Variants in RPS6KA5 observed in about 807,000 individuals in gnomAD.
RPS6KA5 encodes the protein ribosomal protein S6 kinase alpha-5.
RPS6KA5 carries 27 observed loss-of-function variants against 85.5 expected under a neutral mutation model. The ratio of observed to expected loss-of-function variants is 0.32; its 90% CI spans 0.23 to 0.44. The LOEUF (loss-of-function observed/expected upper bound fraction) is 0.44. Among genes scored for constraint, RPS6KA5 ranks in the 20% least tolerant of loss-of-function variants. The pLI is 1.00. For synonymous variants in RPS6KA5, 334 were observed against 348.2 expected, an observed-to-expected ratio of 0.96 and a Z score of 0.46; for missense variants, 811 against 980.9, an observed-to-expected ratio of 0.83 and a Z score of 2.31.
Position 90,854,290 on chromosome 14 carries a change from GAAC to G in RPS6KA5, c.*17781_*17783del, listed in dbSNP as rs1444826429. 6.6e-6 allele frequency: 1 copy of G among 151,944 alleles called. No individual in the cohort carries two copies. The highest frequency in any genetic ancestry group is 1.5e-5 in the Non-Finnish European group (1 of 67,960). The allele number at this position is 151,944 out of a possible 1,614,324, so 9.4% of individuals were successfully genotyped here. A position where few individuals can be genotyped will look rare whatever the true frequency, so the allele number is the denominator to read the frequency against. ...TAATAATAAATGGCTACCAGATTTA[GAAC>G]AAAACTTACTGTAGCCATTATAATC... On this transcript the variant is annotated 3_prime_UTR_variant, in exon 17 of 17. Coordinates refer to ENST00000614987, the MANE Select transcript of RPS6KA5 (RefSeq NM_004755.4).
intron 5 of RPS6KA5, among the ~76,000 whole-genome samples, chr14:90,939,556 AG>A (rs758481054): frequency 6.6e-6 from 1 of 152,228 alleles, no homozygotes; most frequent in Non-Finnish European, 1.5e-5. Context: ...TGGATGGGGG[AG>A]GTCTCACAAT....
chr14:90,920,224 G>C lies in RPS6KA5; in HGVS notation c.788C>G (p.Ser263Cys). 2 of 1,607,620 alleles carry C rather than the reference G, an allele frequency of 1.2e-6. No individual in the cohort carries two copies. Among genetic ancestry groups the C allele is most frequent in the East Asian group, 4.5e-5 (2 of 44,710 alleles). ...ATCTTACCTAGATATCTCAGCTTGG[G>C]AATTTTTTTCTCCATCAACAGTGAA... is the stretch of plus-strand genomic sequence containing the variant. ...SPFTVDGEKN[S>C]QAEISRRILK... Residue 263 changes from serine to cysteine, a missense_variant, in exon 7 of 17, where the codon TCC becomes TGC. Around this residue, in one of 3 missense-constraint regions of RPS6KA5, gnomAD observed 650 missense variants for 793.4 expected, o/e 0.82. Transcript: ENST00000614987.
At chr14:90,904,240 G>A (rs1485766190) in intron 8 of RPS6KA5, among the ~76,000 whole-genome samples, 1 of 152,112 alleles carries the variant, frequency 6.6e-6, no homozygotes, top group Non-Finnish European at 1.5e-5. Context: ...AAGCCAAAAA[G>A]AAAACAAACA....
At chr14:91,019,983 T>C (rs1000819227) in intron 1 of RPS6KA5, among the ~76,000 whole-genome samples, 6 of 152,240 alleles carry the variant, frequency 3.9e-5, no homozygotes, top group African/African-American at 1.4e-4. Context: ...CTATTGCTCC[T>C]GGGCTACAAC....
chr14:90,903,540 CTT>C (rs1431502127), intron 8 of RPS6KA5, among the ~76,000 whole-genome samples: 5 of 152,220 alleles, frequency 3.3e-5, no homozygotes, highest in African/African-American at 4.8e-5. Context: ...TGTGATCACT[CTT>C]TTCTTATTCA....
intron 1 of RPS6KA5, among the ~76,000 whole-genome samples, chr14:91,011,350 G>C (rs1374891127): frequency 6.6e-6 from 1 of 152,062 alleles, no homozygotes. Context: ...GTCAGGTGTG[G>C]TGGCAGGCGC....
chr14:90,961,216 G>A (rs1411228696), intron 3 of RPS6KA5, among the ~76,000 whole-genome samples: 2 of 152,210 alleles, frequency 1.3e-5, no homozygotes, highest in African/African-American at 2.4e-5. Context: ...ATAATGCTAT[G>A]AAGTAGGTAC....
intron 7 of RPS6KA5, among the ~76,000 whole-genome samples, chr14:90,906,517 C>A (rs2035514125): frequency 6.6e-6 from 1 of 151,940 alleles, no homozygotes; most frequent in Non-Finnish European, 1.5e-5. Flanking sequence ...AAAATGTTGG[C>A]TCATTTTTTC....
At chr14:90,972,773 T>C (rs2039381836) in intron 3 of RPS6KA5, among the ~76,000 whole-genome samples, 1 of 152,174 alleles carries the variant, frequency 6.6e-6, no homozygotes, top group African/African-American at 2.4e-5. Context: ...AATTTTTGCA[T>C]GGTAAATGCA....
At chr14:90,967,587 A>G (rs1428446098) in intron 3 of RPS6KA5, among the ~76,000 whole-genome samples, 2 of 152,226 alleles carry the variant, frequency 1.3e-5, no homozygotes, top group East Asian at 1.9e-4. Context: ...TCCATAAAGT[A>G]CTACCAGGGT....
intron 14 of RPS6KA5, among the ~76,000 whole-genome samples, chr14:90,886,675 G>C (rs1384381579): frequency 6.6e-6 from 1 of 152,188 alleles, no homozygotes; most frequent in Non-Finnish European, 1.5e-5. Context: ...CTGGCATCTG[G>C]TTCGTAAGAC....
At chr14:90,909,170 T>C (rs1170236077) in intron 7 of RPS6KA5, among the ~76,000 whole-genome samples, 1 of 152,168 alleles carries the variant, frequency 6.6e-6, no homozygotes, top group Non-Finnish European at 1.5e-5. Context: ...GGGCTGAGGG[T>C]AGACGATTCT....
chr14:90,900,826 A>T lies in RPS6KA5; in HGVS notation c.1120-90T>A, dbSNP rs1019339076. 4.4e-5 allele frequency: 46 copies of T among 1,048,192 alleles called. 1 individual carries two copies. Among genetic ancestry groups the T allele is most frequent in the Non-Finnish European group, 5.9e-5 (44 of 743,240 alleles). 64.9% of individuals were successfully genotyped at this position (1,048,192 alleles called of 1,614,324 possible). ...GATTGTAATGACTTTTTTTCCTTAG[A>T]AAAACACTCAAATATTTGTTGAGAT... On this transcript the variant is annotated intron_variant, in intron 9 of 16. Transcript: ENST00000614987.
At chr14:90,945,069 T>A (rs552674416) in intron 4 of RPS6KA5, among the ~76,000 whole-genome samples, 2 of 151,978 alleles carry the variant, frequency 1.3e-5, no homozygotes, top group African/African-American at 4.8e-5. Context: ...CTGGGCAACA[T>A]GGCAAAACCC....
At chr14:90,880,831 CTTTTTTT>C (rs560458875) in intron 14 of RPS6KA5, among the ~76,000 whole-genome samples, 2 of 132,464 alleles carry the variant, frequency 1.5e-5, no homozygotes, top group Non-Finnish European at 3.3e-5. Context: ...CTTTTGTAAA[CTTTTTTT>C]TTTTTTTTTT....
In RPS6KA5 at chr14:90,862,458, T is replaced by TCCTCCTCCTC. The variant is rs1566662313; in HGVS notation, c.*9615_*9616insGAGGAGGAGG. The TCCTCCTCCTC allele has an allele frequency of 3.5e-5, 4 of 114,114 alleles. No homozygotes were observed. Among genetic ancestry groups the TCCTCCTCCTC allele is most frequent in the Non-Finnish European group, 6.1e-5 (3 of 49,362 alleles). 7.1% of individuals were successfully genotyped at this position (114,114 alleles called of 1,614,324 possible). A position where few individuals can be genotyped will look rare whatever the true frequency, so the allele number is the denominator to read the frequency against. On this transcript the variant is annotated 3_prime_UTR_variant, in exon 17 of 17. Coordinates refer to ENST00000614987, the MANE Select transcript of RPS6KA5 (RefSeq NM_004755.4). ...TCCTCCTCCTCCTCCTCCTCCTCCT[T>TCCTCCTCCTC]CTTCTTCTTCTTCTTCTTCTTTTTT... is the stretch of plus-strand genomic sequence containing the variant.
At chr14:90,922,766 T>TA (rs2036470296) in intron 6 of RPS6KA5, among the ~76,000 whole-genome samples, 1 of 152,176 alleles carries the variant, frequency 6.6e-6, no homozygotes, top group African/African-American at 2.4e-5. Flanking sequence ...TAGTTTGTAC[T>TA]CTAAGAAATA....
chr14:90,931,373 G>A (rs2036967043), intron 5 of RPS6KA5, among the ~76,000 whole-genome samples: 1 of 152,036 alleles, frequency 6.6e-6, no homozygotes, highest in Non-Finnish European at 1.5e-5. Flanking sequence ...TGGCTGCTGG[G>A]GGTTAGGGGA....
At chr14:91,019,162 G>C (rs1469144736) in intron 1 of RPS6KA5, among the ~76,000 whole-genome samples, 1 of 152,108 alleles carries the variant, frequency 6.6e-6, no homozygotes, top group Non-Finnish European at 1.5e-5. Flanking sequence ...GAGCTGAAAA[G>C]GGGTAGACTT....
Sources: gnomAD v4.1 joint callset for allele counts (sites outside exome capture counted in the v4.1 genomes callset) on GRCh38, gnomAD v4.1.1 for gene constraint, gnomAD v4.1.1 regional missense constraint, MANE v1.5 for transcripts, NCBI Gene and HGNC (gene_info 2026-07-23, HGNC 2026-07-21) for gene names.